LSAMP: variants seen among roughly 807,000 people sequenced by gnomAD.
The protein encoded by LSAMP is limbic system associated membrane protein.
Under a neutral mutation model 38.6 loss-of-function variants are expected in LSAMP, and 7 were observed. The observed-to-expected ratio is 0.18, with a 90% CI of 0.10 to 0.34. The LOEUF (loss-of-function observed/expected upper bound fraction) is 0.34, where lower values mean the gene tolerates loss of function less well. LSAMP is among the 10% of genes least tolerant of loss of function. The pLI is 1.00. For synonymous variants in LSAMP, 154 were observed against 166.8 expected (o/e 0.92, Z 0.59); for missense variants, 313 against 420.0 (o/e 0.75, Z 2.23).
intron 3 of LSAMP, among the ~76,000 whole-genome samples, chr3:115,861,069 C>G (rs1935664679): frequency 1.7e-5 from 1 of 57,298 alleles, no homozygotes; most frequent in Non-Finnish European, 3.7e-5. Flanking sequence ...CTCCCTCCCT[C>G]TCTCCCTCTT....
chr3:116,149,187 C>T (rs1438723828), intron 1 of LSAMP, among the ~76,000 whole-genome samples: 1 of 151,820 alleles, frequency 6.6e-6, no homozygotes, highest in African/African-American at 2.4e-5. Context: ...AATGTGCAGA[C>T]TCCAGGAGAC....
chr3:116,305,634 CA>C (rs1283838678), intron 1 of LSAMP, among the ~76,000 whole-genome samples: 1 of 151,672 alleles, frequency 6.6e-6, no homozygotes, highest in Non-Finnish European at 1.5e-5. Flanking sequence ...GTGCAAATAT[CA>C]AAACACAAAA....
At chr3:116,101,377 C>G (rs747189977) in intron 1 of LSAMP, among the ~76,000 whole-genome samples, 2 of 152,170 alleles carry the variant, frequency 1.3e-5, no homozygotes, top group African/African-American at 4.8e-5. Flanking sequence ...CTACGTTATA[C>G]TATAATAGAT....
At position 115,988,525 on chromosome 3, in the gene LSAMP, A is replaced by T. The variant is rs928673339; in HGVS notation, c.514+30990T>A. ...CTGTGTTGCCCAGGCTAGACTCAAA[A>T]TTCTGGGCTTAAGTGACCCTCCTGC... On this transcript the variant is annotated intron_variant, in intron 3 of 6. Transcript: ENST00000490035. 2.0e-5 allele frequency among the ~76,000 whole-genome samples: 3 copies of T among 152,022 alleles called. No individual in the cohort carries two copies. In the South Asian group the frequency reaches 6.2e-4, roughly 31 times the overall value.
intron 2 of LSAMP, among the ~76,000 whole-genome samples, chr3:116,068,651 G>T (rs1444680070): frequency 6.6e-6 from 1 of 152,158 alleles, no homozygotes. Flanking sequence ...CTACACAAAG[G>T]TAGAGTGATG....
intron 1 of LSAMP, among the ~76,000 whole-genome samples, chr3:116,167,956 A>AT (rs1710100747): frequency 6.6e-6 from 1 of 152,192 alleles, no homozygotes; most frequent in South Asian, 2.1e-4. Flanking sequence ...GAGCCAGGGG[A>AT]TGAAAGAAAA....
At chr3:116,036,428 A>G (rs1576323448) in intron 2 of LSAMP, among the ~76,000 whole-genome samples, 1 of 152,180 alleles carries the variant, frequency 6.6e-6, no homozygotes, top group African/African-American at 2.4e-5. Context: ...GCCTTATAGG[A>G]ACTTCTCTGC....
At chr3:115,914,891 A>G (rs1937214309) in intron 3 of LSAMP, among the ~76,000 whole-genome samples, 1 of 152,084 alleles carries the variant, frequency 6.6e-6, no homozygotes, top group African/African-American at 2.4e-5. Context: ...GGGAAGATGG[A>G]ATTGGGAAGT....
chr3:116,229,208 A>G (rs185158460), intron 1 of LSAMP, among the ~76,000 whole-genome samples: 1 of 152,212 alleles, frequency 6.6e-6, no homozygotes, highest in East Asian at 1.9e-4. Flanking sequence ...ACAAACAAAA[A>G]TACTTGCCTC....
chr3:116,170,293 G>A (rs1394767965), intron 1 of LSAMP, among the ~76,000 whole-genome samples: 2 of 151,360 alleles, frequency 1.3e-5, no homozygotes, highest in Non-Finnish European at 2.9e-5. Flanking sequence ...ATCGGAGGAA[G>A]CCAGTATTTT....
intron 1 of LSAMP, among the ~76,000 whole-genome samples, chr3:116,303,234 A>G (rs528707767): frequency 1.3e-5 from 2 of 152,312 alleles, no homozygotes; most frequent in African/African-American, 2.4e-5. Context: ...CTTACTTCCT[A>G]TAGAAGATAT....
intron 1 of LSAMP, among the ~76,000 whole-genome samples, chr3:116,335,182 T>C (rs1278696304): frequency 6.6e-6 from 1 of 151,908 alleles, no homozygotes; most frequent in Non-Finnish European, 1.5e-5. Flanking sequence ...GAATATATGA[T>C]GAAAACAAAC....
chr3:116,331,246 C>A (rs1043749627), intron 1 of LSAMP, among the ~76,000 whole-genome samples: 7 of 152,078 alleles, frequency 4.6e-5, no homozygotes, highest in African/African-American at 1.7e-4. Context: ...AGAACAGAAC[C>A]CAAATGATTG....
chr3:116,116,350 T>C (rs915536769), intron 1 of LSAMP, among the ~76,000 whole-genome samples: 2 of 151,822 alleles, frequency 1.3e-5, no homozygotes, highest in Non-Finnish European at 2.9e-5. Flanking sequence ...TTCTTTCATG[T>C]TAGAGGCATT....
intron 6 of LSAMP, among the ~76,000 whole-genome samples, chr3:115,825,329 C>T (rs899567308): frequency 1.3e-5 from 2 of 152,164 alleles, no homozygotes; most frequent in Non-Finnish European, 2.9e-5. Context: ...CTTTGGAGTT[C>T]CAGAATGCTT....
chr3:116,108,493 A>C (rs565461272), intron 1 of LSAMP, among the ~76,000 whole-genome samples: 66 of 152,206 alleles, frequency 4.3e-4, no homozygotes, highest in African/African-American at 1.3e-3. Flanking sequence ...AAGAAGGGGA[A>C]GGACTTACCT....
At position 116,101,656 on chromosome 3, in the gene LSAMP, C is replaced by T. The variant is rs573016336; in HGVS notation, c.156-15100G>A. Reference sequence around the variant, plus strand: ...ATGCATTAGAACTTATTTCCCTTATCTAGCTGTAGTTTTGTATTCTTTAAC... The same window carrying T: ...ATGCATTAGAACTTATTTCCCTTATTTAGCTGTAGTTTTGTATTCTTTAAC... On this transcript the variant is annotated intron_variant, in intron 1 of 6. Coordinates refer to ENST00000490035, the MANE Select transcript of LSAMP (RefSeq NM_002338.5). 4.6e-5 allele frequency among the ~76,000 whole-genome samples: 7 copies of T among 152,184 alleles called. No individual in the cohort carries two copies. In the South Asian group the frequency reaches 1.2e-3, roughly 27 times the overall value.
intron 3 of LSAMP, among the ~76,000 whole-genome samples, chr3:115,930,658 G>A (rs1295481875): frequency 1.3e-5 from 2 of 152,170 alleles, no homozygotes; most frequent in Admixed American, 1.3e-4. Context: ...AATGAAACAT[G>A]CACCTGTATA....
chr3:115,962,667 A>G (rs1938667580), intron 3 of LSAMP, among the ~76,000 whole-genome samples: 2 of 152,198 alleles, frequency 1.3e-5, no homozygotes, highest in Non-Finnish European at 2.9e-5. Context: ...TTCACTTTTC[A>G]ACTTTTAGGT....
Sources: allele counts gnomAD v4.1 joint callset (sites outside exome capture counted in the v4.1 genomes callset), GRCh38; gene constraint gnomAD v4.1.1; transcripts MANE v1.5; gene names NCBI Gene and HGNC (gene_info 2026-07-23, HGNC 2026-07-21).